The following AFF1 variants were observed in gnomAD, a reference collection of about 807,000 sequenced individuals.
The protein encoded by AFF1 is AF4/FMR2 family member 1.
Under a neutral mutation model 121.7 loss-of-function variants are expected in AFF1, and 48 were observed. The ratio of observed to expected loss-of-function variants is 0.39; its 90% CI spans 0.31 to 0.50. The LOEUF (loss-of-function observed/expected upper bound fraction) is 0.50. Among genes scored for constraint, AFF1 ranks in the 20% least tolerant of loss-of-function variants. The pLI is 0.76. For synonymous variants in AFF1, 613 were observed against 563.0 expected (o/e 1.09, Z -1.26); for missense variants, 1,523 against 1,511.7 (o/e 1.01, Z -0.12).
At chr4:87,109,238 TTAGAAAGCAAAGCAGTTCCAATGG>T (rs1726228812) in intron 11 of AFF1, among the ~76,000 whole-genome samples, 1 of 152,214 alleles carries the variant, frequency 6.6e-6, no homozygotes, top group Non-Finnish European at 1.5e-5. Context: ...TTGTCTCTGT[TTAGAAAGCAAAGCAGTTCCAATGG>T]GGCATTAACT....
At chr4:86,959,868 C>T (rs1056253481) in intron 2 of AFF1, among the ~76,000 whole-genome samples, 1 of 152,150 alleles carries the variant, frequency 6.6e-6, no homozygotes, top group Non-Finnish European at 1.5e-5. Context: ...TTAAAGCCAG[C>T]TTCTCTTCTC....
At chr4:87,132,542 G>T in intron 19 of AFF1, 134 bp downstream of exon 19, 1 of 750,490 alleles carries the variant, frequency 1.3e-6, no homozygotes, top group Non-Finnish European at 2.0e-6. Flanking sequence ...TCTGTTTGCT[G>T]GTTGCTCCTA....
At chr4:86,963,784 CCTTTT>C (rs1008605430) in intron 2 of AFF1, among the ~76,000 whole-genome samples, 1 of 151,230 alleles carries the variant, frequency 6.6e-6, no homozygotes, top group Non-Finnish European at 1.5e-5. Flanking sequence ...TGAAATACCA[CCTTTT>C]CTTTTCATTT....
chr4:87,048,334 AT>A (rs766055642), intron 4 of AFF1, among the ~76,000 whole-genome samples: 32 of 152,304 alleles, frequency 2.1e-4, no homozygotes, highest in Admixed American at 8.5e-4. Context: ...AAGAAAAAAA[AT>A]ATTTCTTTTT....
intron 8 of AFF1, among the ~76,000 whole-genome samples, chr4:87,095,962 A>G (rs1724794475): frequency 6.7e-6 from 1 of 150,032 alleles, no homozygotes; most frequent in South Asian, 2.1e-4. Flanking sequence ...TAGGCACAAT[A>G]TTTGTTCCAT....
intron 2 of AFF1, among the ~76,000 whole-genome samples, chr4:87,019,249 G>A (rs984627665): frequency 5.9e-5 from 9 of 152,112 alleles, no homozygotes; most frequent in African/African-American, 1.4e-4. Context: ...ATTGGTTTTC[G>A]TCCATGGTTC....
chr4:87,007,124 C>A, intron 2 of AFF1: 1 of 1,269,080 alleles, frequency 7.9e-7, no homozygotes, highest in East Asian at 3.3e-5. Flanking sequence ...TCGCTTGCCC[C>A]GGATTCGGAC....
At position 86,950,143 on chromosome 4, in the gene AFF1, C is replaced by T. The variant is rs111840637; in HGVS notation, c.38+1572C>T. 5,970 of 1,529,736 alleles carry T rather than the reference C, an allele frequency of 3.9e-3. 215 individuals carry two copies. In the African/African-American group the frequency reaches 0.072, roughly 18 times the overall value. The allele number at this position is 1,529,736 out of a possible 1,614,324, so 94.8% of individuals were successfully genotyped here. ...GGCAGGGATGGGACTTGGGCCAGCA[C>T]CGGACAAGGCAGATGCTGCCCATGT... On this transcript the variant is annotated intron_variant, in intron 2 of 20. Transcript: ENST00000395146.
chr4:86,979,760 G>A (rs1217947266), intron 2 of AFF1, among the ~76,000 whole-genome samples: 3 of 152,210 alleles, frequency 2.0e-5, no homozygotes, highest in African/African-American at 7.2e-5. Flanking sequence ...TTATTGAAAA[G>A]GTTGTAGGGG....
At chr4:86,969,902 A>G (rs1231931906) in intron 2 of AFF1, among the ~76,000 whole-genome samples, 1 of 145,180 alleles carries the variant, frequency 6.9e-6, no homozygotes, top group East Asian at 2.0e-4. Context: ...AAAAAAGGTA[A>G]GATAGTTTAT....
chr4:87,097,624 A>AG (rs2149729283), intron 8 of AFF1, among the ~76,000 whole-genome samples: 1 of 152,370 alleles, frequency 6.6e-6, no homozygotes, highest in East Asian at 1.9e-4. Context: ...AGAAGGTAGA[A>AG]GTAGGACCTA....
At chr4:87,043,374 G>A (rs1450482176) in intron 2 of AFF1, among the ~76,000 whole-genome samples, 2 of 152,196 alleles carry the variant, frequency 1.3e-5, no homozygotes, top group Non-Finnish European at 2.9e-5. Context: ...AAGCTTAGAT[G>A]CTCAGAGGAT....
At chr4:87,034,257 TC>T (rs1729346239) in intron 2 of AFF1, among the ~76,000 whole-genome samples, 1 of 152,132 alleles carries the variant, frequency 6.6e-6, no homozygotes, top group Non-Finnish European at 1.5e-5. Flanking sequence ...TGGCTAGTAT[TC>T]CAGGGAGGAT....
intron 2 of AFF1, among the ~76,000 whole-genome samples, chr4:87,031,435 A>AT (rs1491098607): frequency 8.5e-5 from 12 of 141,364 alleles, no homozygotes; most frequent in Admixed American, 1.4e-4. Context: ...CACTCTTAGC[A>AT]TATGTTTTTT....
chr4:86,978,176 A>ATTTTT (rs1723449569), intron 2 of AFF1, among the ~76,000 whole-genome samples: 1 of 22,654 alleles, frequency 4.4e-5, no homozygotes, highest in African/African-American at 1.0e-4. Flanking sequence ...CATTACATTC[A>ATTTTT]CTTTTTTTTT....
rs748221171 is a variant in AFF1, at chr4:87,126,208, G to A, written c.2683G>A (p.Glu895Lys). ...GCCTGCACTTAAGAGGTCAAGGCGG[G>A]AAGCAGACACCTGTGGCCAGGACCC... ...AKPALKRSRREADTCGQDPPK... is the reference protein window; with the variant it reads ...AKPALKRSRRKADTCGQDPPK... Residue 895 changes from glutamate to lysine, a missense_variant, in exon 14 of 21, where the codon GAA becomes AAA. Glu to Lys is a moderately conservative substitution (Grantham distance 56, BLOSUM62 1). Around this residue, in one of 5 missense-constraint regions of AFF1, gnomAD observed 905 missense variants for 842.5 expected, o/e 1.07. Transcript: ENST00000395146. 74 of 1,614,006 alleles carry A rather than the reference G, an allele frequency of 4.6e-5. No homozygotes were observed. Among genetic ancestry groups the A allele is most frequent in the Non-Finnish European group, 6.2e-5 (73 of 1,180,044 alleles).
chr4:86,945,507 T>TTC (rs1720796243), intron 1 of AFF1, among the ~76,000 whole-genome samples: 1 of 143,928 alleles, frequency 6.9e-6, no homozygotes, highest in Non-Finnish European at 1.5e-5. Context: ...ATTTTTTTTT[T>TTC]TTTTTTTTTT....
intron 2 of AFF1, among the ~76,000 whole-genome samples, chr4:86,993,959 C>T (rs879648209): frequency 2.6e-5 from 4 of 152,022 alleles, no homozygotes; most frequent in Admixed American, 6.6e-5. Context: ...AGCGAGACTC[C>T]GTCTTAAAAA....
chr4:87,006,006 C>G (rs1194899871), intron 2 of AFF1, among the ~76,000 whole-genome samples: 1 of 152,224 alleles, frequency 6.6e-6, no homozygotes, highest in Non-Finnish European at 1.5e-5. Context: ...GTCTTGGGGA[C>G]TCCCAGGAAT....
Sources: allele counts gnomAD v4.1 joint callset (sites outside exome capture counted in the v4.1 genomes callset), GRCh38; gene constraint gnomAD v4.1.1; regional missense constraint gnomAD v4.1.1; transcripts MANE v1.5; gene names NCBI Gene and HGNC (gene_info 2026-07-23, HGNC 2026-07-21).